Variants in FAM83A observed in about 807,000 individuals in gnomAD.
FAM83A encodes scaffolding CK1 anchoring protein A.
FAM83A carries 21 observed loss-of-function variants against 24.4 expected under a neutral mutation model. The observed-to-expected ratio is 0.86, with a 90% CI of 0.61 to 1.24. The LOEUF is 1.24. FAM83A is among the 50% of genes most tolerant of loss of function. FAM83A has a pLI of 0.00. For missense variants in FAM83A, 617 were observed against 579.8 expected, an observed-to-expected ratio of 1.06 and a Z score of -0.66; for synonymous variants, 270 against 252.4, an observed-to-expected ratio of 1.07 and a Z score of -0.66.
chr8:123,205,362 C>T (rs964467597), intron 3 of FAM83A, among the ~76,000 whole-genome samples: 2 of 152,186 alleles, frequency 1.3e-5, no homozygotes, highest in African/African-American at 4.8e-5. Flanking sequence ...GAGTGCAGTG[C>T]GGCCCTTTGT....
At chr8:123,193,673 C>A (rs1159876984) in intron 2 of FAM83A, among the ~76,000 whole-genome samples, 4 of 152,160 alleles carry the variant, frequency 2.6e-5, no homozygotes, top group Non-Finnish European at 5.9e-5. Flanking sequence ...GAAATTTATT[C>A]CTCATGGTTC....
intron 1 of FAM83A, among the ~76,000 whole-genome samples, chr8:123,184,270 A>G (rs1329142108): frequency 6.6e-6 from 1 of 151,982 alleles, no homozygotes; most frequent in Non-Finnish European, 1.5e-5. Flanking sequence ...CCTTTCCTGA[A>G]TTCCCCAGGC....
chr8:123,182,210 T>A (rs1255566530), upstream of FAM83A: 1 of 434,776 alleles, frequency 2.3e-6, no homozygotes, highest in Non-Finnish European at 4.7e-6. Flanking sequence ...AGCTCCTTCA[T>A]AGGGCAGGGA....
At chr8:123,179,612 G>A (rs58741168), upstream of FAM83A, 17,528 of 152,198 alleles carry the variant, frequency 0.12, 1,240 homozygotes, top group African/African-American at 0.19. Flanking sequence ...AGGAGGATGA[G>A]TGGCACTAAC....
chr8:123,200,287 A>G (rs1014901109), intron 3 of FAM83A, among the ~76,000 whole-genome samples: 2 of 152,204 alleles, frequency 1.3e-5, no homozygotes, highest in Non-Finnish European at 2.9e-5. Context: ...TTCTTCCAGA[A>G]CACCGGAGGA....
chr8:123,198,883 T>C (rs923739847), intron 3 of FAM83A, among the ~76,000 whole-genome samples: 1 of 152,106 alleles, frequency 6.6e-6, no homozygotes, highest in East Asian at 1.9e-4. Flanking sequence ...ATTACAGGCG[T>C]GCACCACCAC....
At chr8:123,199,205 TA>T (rs35426935) in intron 3 of FAM83A, among the ~76,000 whole-genome samples, 2 of 152,144 alleles carry the variant, frequency 1.3e-5, no homozygotes, top group East Asian at 1.9e-4. Flanking sequence ...TGAGATGCAC[TA>T]AAAAAAGGTC....
chr8:123,209,858 C>T lies in FAM83A; in HGVS notation c.*2170C>T. 2 of 353,120 alleles carry T rather than the reference C, an allele frequency of 5.7e-6. No individual in the cohort carries two copies. Among genetic ancestry groups the T allele is most frequent in the Admixed American group, 3.9e-5 (1 of 25,746 alleles). The allele number at this position is 353,120 out of a possible 1,614,324, so 21.9% of individuals were successfully genotyped here. ...TGCCTGCTGGGAGGTTAGGTCGGGG[C>T]TGCCCCGGCGAGTGGAGCATGAGCA... is the stretch of plus-strand genomic sequence containing the variant. On this transcript the variant is annotated 3_prime_UTR_variant, in exon 4 of 4. Transcript: ENST00000690554. This position sits in a 1 kb window ranked among gnomAD's most constrained non-coding sequence, Gnocchi z 4.7.
intron 1 of FAM83A, among the ~76,000 whole-genome samples, chr8:123,189,125 A>G (rs1823893790): frequency 6.6e-6 from 1 of 152,234 alleles, no homozygotes; most frequent in Non-Finnish European, 1.5e-5. Flanking sequence ...GGGAAAGCCT[A>G]AGCTGCTTTC....
At chr8:123,189,130 GC>G (rs1823893899) in intron 1 of FAM83A, among the ~76,000 whole-genome samples, 1 of 152,250 alleles carries the variant, frequency 6.6e-6, no homozygotes, top group Non-Finnish European at 1.5e-5. Flanking sequence ...AGCCTAAGCT[GC>G]TTTCAGTGCT....
At chr8:123,182,225 T>C, upstream of FAM83A, 1 of 410,140 alleles carries the variant, frequency 2.4e-6, no homozygotes, top group Non-Finnish European at 5.0e-6. Context: ...CAGGGAGGGG[T>C]GGGCACTTGG....
intron 1 of FAM83A, among the ~76,000 whole-genome samples, chr8:123,186,066 G>A (rs62521843): frequency 0.02 from 3,088 of 152,278 alleles, 43 homozygotes; most frequent in Non-Finnish European, 0.033. Flanking sequence ...TGGGATTACA[G>A]GCATGAGCCA....
chr8:123,188,054 T>C (rs1586776518), intron 1 of FAM83A, among the ~76,000 whole-genome samples: 1 of 151,516 alleles, frequency 6.6e-6, no homozygotes, highest in Admixed American at 6.6e-5. Context: ...TTTTTTTTTT[T>C]AGTAGAGATG....
At chr8:123,182,473 T>G, upstream of FAM83A, 1 of 424,880 alleles carries the variant, frequency 2.4e-6, no homozygotes. Context: ...GCTCCCTGCT[T>G]GGTAACAAAG....
chr8:123,189,413 T>C (rs1170305123), intron 1 of FAM83A, among the ~76,000 whole-genome samples: 1 of 152,142 alleles, frequency 6.6e-6, no homozygotes, highest in African/African-American at 2.4e-5. Context: ...ATTGCAATGA[T>C]TAGAAAGATA....
intron 3 of FAM83A, among the ~76,000 whole-genome samples, chr8:123,195,379 A>G (rs1398519751): frequency 6.6e-6 from 1 of 152,202 alleles, no homozygotes; most frequent in African/African-American, 2.4e-5. Flanking sequence ...CCAGAGACAA[A>G]TGAGCATAAA....
rs575834428 is a variant in FAM83A, at chr8:123,194,040, G to A, written c.665G>A (p.Ser222Asn). The stretch of plus-strand genomic sequence containing the variant: ...CTCCAACAGAACATTTCCATCCGGA[G>A]TGTGGAAGGAGAGATATACTGTGCC... The change falls in exon 3 of 4, where the codon AGT (serine) becomes AAT (asparagine). Residue 222 changes from serine (S) to asparagine (N), a missense_variant. By Grantham distance (46) the Ser-to-Asn change is conservative. Transcript: ENST00000690554. 25 of 1,614,226 alleles carry A rather than the reference G, an allele frequency of 1.5e-5. 1 individual carries two copies. In the South Asian group the frequency reaches 1.9e-4, roughly 12 times the overall value.
At chr8:123,198,317 C>T (rs1423345897) in intron 3 of FAM83A, among the ~76,000 whole-genome samples, 2 of 152,060 alleles carry the variant, frequency 1.3e-5, no homozygotes, top group Non-Finnish European at 2.9e-5. Flanking sequence ...TTGCACACGA[C>T]CATGGGGCAG....
intron 2 of FAM83A, among the ~76,000 whole-genome samples, chr8:123,193,132 C>A (rs1270014495): frequency 6.6e-6 from 1 of 152,226 alleles, no homozygotes; most frequent in African/African-American, 2.4e-5. Flanking sequence ...TCCAGCTGTA[C>A]GGCGGGAGCA....
Sources: allele counts gnomAD v4.1 joint callset (sites outside exome capture counted in the v4.1 genomes callset), GRCh38; gene constraint gnomAD v4.1.1; non-coding constraint Gnocchi (gnomAD v3.1); transcripts MANE v1.5; gene names NCBI Gene and HGNC (gene_info 2026-07-23, HGNC 2026-07-21).